The following CYTH1 variants were observed in gnomAD, a reference collection of about 807,000 sequenced individuals.
CYTH1 encodes cytohesin-1.
In CYTH1, 18 loss-of-function variants were observed where a neutral mutation model predicts 61.8. The ratio of observed to expected loss-of-function variants is 0.29; its 90% CI spans 0.20 to 0.43. CYTH1 has a LOEUF of 0.43. CYTH1 is among the 20% of genes least tolerant of loss of function. The pLI, the probability that CYTH1 is intolerant of heterozygous loss-of-function variation, is 1.00. For missense variants in CYTH1, 336 were observed against 510.5 expected (o/e 0.66, Z 3.29); for synonymous variants, 174 against 184.3 (o/e 0.94, Z 0.45).
rs1181943930 is a variant in CYTH1, at chr17:78,680,217, T to C, written c.1091A>G (p.Glu364Gly). 1.9e-6 allele frequency: 3 copies of C among 1,614,142 alleles called. No homozygotes were observed. Among genetic ancestry groups the C allele is most frequent in the Admixed American group, 1.7e-5 (1 of 60,014 alleles). Reference sequence around the variant, plus strand: ...AATGCACTTAATCCACTCCTCCTTCTCCTCGGGCGTCGGAGCTGAGATCCG... The same window carrying C: ...AATGCACTTAATCCACTCCTCCTTCCCCTCGGGCGTCGGAGCTGAGATCCG... ...VYRISAPTPE[E>G]KEEWIKCIKA... The change falls in exon 13 of 14, where the codon GAG becomes GGG. Residue 364 changes from glutamate to glycine, a missense_variant. By Grantham distance (98) the Glu-to-Gly change is moderately conservative. Around this residue, in one of 4 missense-constraint regions of CYTH1, gnomAD observed 83 missense variants for 115.6 expected, o/e 0.72. Transcript: ENST00000446868.
In CYTH1 at chr17:78,698,308, A is replaced by T. The variant is rs760039197; in HGVS notation, c.772T>A (p.Phe258Ile). ...EDDGNDLTHTFFNPDREGWLL... is the reference protein window; with the variant it reads ...EDDGNDLTHTIFNPDREGWLL... ...CAGCCTTCTCGGTCTGGATTGAAGA[A>T]AGTGTGAGTGAGGTCATTCCCGTCG... Residue 258 changes from phenylalanine (F) to isoleucine (I), a missense_variant, in exon 9 of 14, where the codon TTC becomes ATC. Phe to Ile is a conservative substitution (Grantham distance 21, BLOSUM62 0). Coordinates refer to ENST00000446868, the MANE Select transcript of CYTH1 (RefSeq NM_004762.6). The T allele has an allele frequency of 6.2e-7, 1 of 1,613,486 alleles. No individual in the cohort carries two copies. The highest frequency in any genetic ancestry group is 1.1e-5 in the South Asian group (1 of 90,880).
intron 1 of CYTH1, among the ~76,000 whole-genome samples, chr17:78,724,464 C>T (rs998450703): frequency 6.6e-6 from 1 of 152,194 alleles, no homozygotes; most frequent in Non-Finnish European, 1.5e-5. Flanking sequence ...GGGAGCAGGT[C>T]ACTCTTTGTG....
At chr17:78,712,871 G>A (rs901856420) in intron 1 of CYTH1, among the ~76,000 whole-genome samples, 2 of 151,960 alleles carry the variant, frequency 1.3e-5, no homozygotes, top group African/African-American at 4.8e-5. Context: ...GCGTCCCTGA[G>A]AACTCAAGGG....
chr17:78,676,200 C>A, intron 13 of CYTH1, 31 bp from the exon 14 acceptor site: 1 of 1,583,406 alleles, frequency 6.3e-7, no homozygotes, highest in Non-Finnish European at 8.6e-7. Flanking sequence ...AAAACAGAGA[C>A]GTGAGGGACA....
intron 1 of CYTH1, among the ~76,000 whole-genome samples, chr17:78,771,105 A>G (rs1423005543): frequency 6.6e-6 from 1 of 152,092 alleles, no homozygotes; most frequent in African/African-American, 2.4e-5. Context: ...TCTACTAAAA[A>G]TACAAAAATT....
In CYTH1 at chr17:78,680,236, AG is replaced by A; in HGVS notation, c.1071del (p.Ser358GlnfsTer82). 6.2e-7 allele frequency: 1 copy of A among 1,614,162 alleles called. No individual in the cohort carries two copies. Among genetic ancestry groups the A allele is most frequent in the East Asian group, 2.2e-5 (1 of 44,882 alleles). ...TCCTTCTCCTCGGGCGTCGGAGCTG[AG>A]ATCCGGTAAACAGTGTGGTTCCCCT... is the stretch of plus-strand genomic sequence containing the variant. ...VVEGNHTVYR[I>X]SAPTPEEKEE... On this transcript the variant is annotated frameshift_variant, in exon 13 of 14. Transcript: ENST00000446868. LOFTEE classifies it high-confidence loss of function.
intron 1 of CYTH1, among the ~76,000 whole-genome samples, chr17:78,777,842 A>G (rs2093499115): frequency 1.3e-5 from 2 of 152,046 alleles, no homozygotes; most frequent in South Asian, 4.1e-4. Flanking sequence ...AAAAAAAAAA[A>G]AAAGAAAGAA....
intron 1 of CYTH1, among the ~76,000 whole-genome samples, chr17:78,731,488 G>A (rs866523201): frequency 3.6e-4 from 55 of 152,094 alleles, no homozygotes; most frequent in South Asian, 4.1e-4. Flanking sequence ...CGTCGGGCGC[G>A]GTGGTTCACG....
At chr17:78,729,785 G>A (rs2093283582) in intron 1 of CYTH1, among the ~76,000 whole-genome samples, 1 of 152,196 alleles carries the variant, frequency 6.6e-6, no homozygotes, top group Admixed American at 6.5e-5. Flanking sequence ...GGATGGCACA[G>A]AATACCTTCT....
chr17:78,692,205 T>A (rs1459398154), intron 11 of CYTH1, among the ~76,000 whole-genome samples: 1 of 152,232 alleles, frequency 6.6e-6, no homozygotes, highest in Non-Finnish European at 1.5e-5. Flanking sequence ...GTGCCTGCTC[T>A]GAGCCCGTGC....
intron 1 of CYTH1, among the ~76,000 whole-genome samples, chr17:78,769,592 T>C (rs1037655531): frequency 2.6e-5 from 4 of 152,174 alleles, no homozygotes; most frequent in African/African-American, 9.7e-5. Flanking sequence ...TGTGACACGC[T>C]CCTTCACAGC....
chr17:78,687,671 G>C (rs746231553), intron 11 of CYTH1, among the ~76,000 whole-genome samples: 11 of 152,234 alleles, frequency 7.2e-5, no homozygotes, highest in Non-Finnish European at 5.9e-5. Flanking sequence ...AGAAATCCCA[G>C]TGTTCACTCA....
At position 78,675,652 on chromosome 17, in the gene CYTH1, T is replaced by G; in HGVS notation, c.*439A>C. On this transcript the variant is annotated 3_prime_UTR_variant, in exon 14 of 14. Transcript: ENST00000446868. ...CTCTTAAAAAAAAAAAAATAGATCT[T>G]TATAGTATGTGGCTTCTCTTCCTTT... The G allele has an allele frequency of 2.7e-6, 1 of 367,186 alleles. No individual in the cohort carries two copies. Among genetic ancestry groups the G allele is most frequent in the Non-Finnish European group, 4.8e-6 (1 of 206,954 alleles). The allele number at this position is 367,186 out of a possible 1,614,324, so 22.7% of individuals were successfully genotyped here. A position where few individuals can be genotyped will look rare whatever the true frequency, so the allele number is the denominator to read the frequency against.
intron 1 of CYTH1, among the ~76,000 whole-genome samples, chr17:78,772,875 G>A (rs1423930430): frequency 1.3e-5 from 2 of 151,570 alleles, no homozygotes; most frequent in Admixed American, 1.3e-4. Flanking sequence ...TGTTGCCCAG[G>A]CAGGAGTACA....
intron 1 of CYTH1, 42 bp from the exon 2 acceptor site, chr17:78,709,774 C>T: frequency 1.9e-6 from 3 of 1,590,640 alleles, no homozygotes; most frequent in African/African-American, 1.3e-5. Context: ...GCTTTTATCT[C>T]GCCAAAAATC....
At chr17:78,762,565 T>C (rs549211814) in intron 1 of CYTH1, among the ~76,000 whole-genome samples, 110 of 152,316 alleles carry the variant, frequency 7.2e-4, no homozygotes, top group Non-Finnish European at 1.5e-3. Flanking sequence ...CACTGGAACC[T>C]GTGAACATGT....
chr17:78,726,962 C>A (rs1013561089), intron 1 of CYTH1, among the ~76,000 whole-genome samples: 1 of 152,236 alleles, frequency 6.6e-6, no homozygotes, highest in Non-Finnish European at 1.5e-5. Flanking sequence ...CAAACCACTA[C>A]TGACTTCCCA....
At position 78,675,835 on chromosome 17, in the gene CYTH1, C is replaced by A; in HGVS notation, c.*256G>T. The A allele has an allele frequency of 2.8e-6, 4 of 1,438,656 alleles. No individual in the cohort carries two copies. Among genetic ancestry groups the A allele is most frequent in the South Asian group, 1.5e-5 (1 of 66,314 alleles). The allele number at this position is 1,438,656 out of a possible 1,614,324, so 89.1% of individuals were successfully genotyped here. A position where few individuals can be genotyped will look rare whatever the true frequency, so the allele number is the denominator to read the frequency against. On this transcript the variant is annotated 3_prime_UTR_variant, in exon 14 of 14. Coordinates refer to ENST00000446868, the MANE Select transcript of CYTH1 (RefSeq NM_004762.6). Reference sequence around the variant, plus strand: ...AGAAACTGGCCAGGAGGCTGCCCTGCCGACAAGAGCTCTGCCCTGTGAGAG... The same window carrying A: ...AGAAACTGGCCAGGAGGCTGCCCTGACGACAAGAGCTCTGCCCTGTGAGAG...
chr17:78,762,378 C>G (rs1223221496), intron 1 of CYTH1, among the ~76,000 whole-genome samples: 1 of 152,154 alleles, frequency 6.6e-6, no homozygotes, highest in East Asian at 1.9e-4. Flanking sequence ...CAGACAAAGT[C>G]TACAAAGTAC....
Sources: gnomAD v4.1 joint callset for allele counts (sites outside exome capture counted in the v4.1 genomes callset) on GRCh38, gnomAD v4.1.1 for gene constraint, gnomAD v4.1.1 regional missense constraint, MANE v1.5 for transcripts, NCBI Gene and HGNC (gene_info 2026-07-23, HGNC 2026-07-21) for gene names.